The following SLC8A1 variants were observed in gnomAD, a reference collection of about 807,000 sequenced individuals.
SLC8A1 encodes the protein sodium/calcium exchanger 1.
Under a neutral mutation model 68.3 loss-of-function variants are expected in SLC8A1, and 18 were observed. The ratio of observed to expected loss-of-function variants is 0.26; its 90% CI spans 0.18 to 0.39. SLC8A1 has a LOEUF of 0.39. Among genes scored for constraint, SLC8A1 ranks in the 10% least tolerant of loss-of-function variants. The probability of loss-of-function intolerance (pLI) is 1.00; values close to 1 mark genes in which losing one functional copy is unlikely to be tolerated. For missense variants in SLC8A1, 985 were observed against 1,156.7 expected, an observed-to-expected ratio of 0.85 and a Z score of 2.15; for synonymous variants, 475 against 415.5, an observed-to-expected ratio of 1.14 and a Z score of -1.74.
chr2:40,278,941 T>A (rs2067141913), intron 2 of SLC8A1, among the ~76,000 whole-genome samples: 1 of 152,240 alleles, frequency 6.6e-6, no homozygotes, highest in Non-Finnish European at 1.5e-5. Context: ...TGCTTAAATA[T>A]TGCTTACTTT....
In SLC8A1 at chr2:40,255,986, T is replaced by TGCAAACTA. The variant is rs1378834235; in HGVS notation, c.1809-78139_1809-78132dup. On this transcript the variant is annotated intron_variant, in intron 2 of 7. Coordinates refer to ENST00000406785, the Ensembl canonical transcript of SLC8A1. ...GGGCCATGGTACAGAGGTGTCAGTC[T>TGCAAACTA]GCAAACTAGAAGAGCAATGCTGACA... 2.0e-5 allele frequency among the ~76,000 whole-genome samples: 3 copies of TGCAAACTA among 152,198 alleles called. No individual in the cohort carries two copies. The East Asian group carries it at 5.8e-4, about 29-fold the overall frequency.
chr2:40,468,832 T>C (rs1703842743), intron 1 of SLC8A1, among the ~76,000 whole-genome samples: 1 of 152,048 alleles, frequency 6.6e-6, no homozygotes, highest in Admixed American at 6.6e-5. Flanking sequence ...TCCCAGCTAT[T>C]AGGGAGGCTG....
chr2:40,328,133 G>C (rs72943146), intron 2 of SLC8A1, among the ~76,000 whole-genome samples: 1 of 152,000 alleles, frequency 6.6e-6, no homozygotes, highest in Non-Finnish European at 1.5e-5. Flanking sequence ...CTGAGGTTTG[G>C]ATGAGTTGAG....
chr2:40,316,254 A>C (rs190167596), intron 2 of SLC8A1, among the ~76,000 whole-genome samples: 1 of 152,066 alleles, frequency 6.6e-6, no homozygotes, highest in African/African-American at 2.4e-5. Flanking sequence ...GTTCAAGGAC[A>C]TAAGAAAACT....
At chr2:40,268,008 T>C (rs2065573369) in intron 2 of SLC8A1, among the ~76,000 whole-genome samples, 1 of 152,296 alleles carries the variant, frequency 6.6e-6, no homozygotes, top group South Asian at 2.1e-4. Context: ...GAAAACACAA[T>C]TGTTGAATTA....
At chr2:40,115,907 C>G (rs4952354) in intron 7 of SLC8A1, among the ~76,000 whole-genome samples, 91,827 of 152,062 alleles carry the variant, frequency 0.6, 28,331 homozygotes, top group East Asian at 0.81. Flanking sequence ...GTAATATTGA[C>G]CTTGCAGGGC....
intron 2 of SLC8A1, among the ~76,000 whole-genome samples, chr2:40,249,589 T>C (rs568175106): frequency 1.3e-5 from 2 of 152,320 alleles, no homozygotes; most frequent in South Asian, 2.1e-4. Flanking sequence ...AGCACTATTC[T>C]AGATGATTCC....
intron 2 of SLC8A1, among the ~76,000 whole-genome samples, chr2:40,291,892 A>G (rs1204135339): frequency 6.6e-6 from 1 of 151,048 alleles, no homozygotes; most frequent in Non-Finnish European, 1.5e-5. Flanking sequence ...GTGCTGGACA[A>G]GACATCTTTA....
chr2:40,107,279 C>CAAAAAAAAAAAAAAAAGAA (rs571403529), exon 8 of SLC8A1: 6 of 64,960 alleles, frequency 9.2e-5, no homozygotes, highest in Non-Finnish European at 1.2e-4. Flanking sequence ...GACTCCGTCT[C>CAAAAAAAAAAAAAAAAGAA]AAAAAAAAAA....
chr2:40,105,580 C>G (rs2034144907), exon 8 of SLC8A1: 1 of 152,190 alleles, frequency 6.6e-6, no homozygotes, highest in Non-Finnish European at 1.5e-5. Context: ...GACACCTCAT[C>G]ACTAGGTCCA....
chr2:40,163,645 C>G (rs151080252), intron 5 of SLC8A1, among the ~76,000 whole-genome samples: 6 of 152,238 alleles, frequency 3.9e-5, no homozygotes, highest in African/African-American at 1.4e-4. Flanking sequence ...GTCTAATGAT[C>G]GGGGTCTGCC....
intron 7 of SLC8A1, among the ~76,000 whole-genome samples, chr2:40,122,458 A>C (rs1229962366): frequency 6.6e-6 from 1 of 152,196 alleles, no homozygotes; most frequent in African/African-American, 2.4e-5. Flanking sequence ...CTTTTAGAAG[A>C]GAAGGAAGCA....
chr2:40,224,598 A>G (rs1363651980), intron 2 of SLC8A1, among the ~76,000 whole-genome samples: 1 of 152,090 alleles, frequency 6.6e-6, no homozygotes, highest in Non-Finnish European at 1.5e-5. Flanking sequence ...ATAATTGCCT[A>G]CCTGTTTCAA....
At chr2:40,472,572 C>T (rs1464492289) in intron 1 of SLC8A1, among the ~76,000 whole-genome samples, 2 of 152,008 alleles carry the variant, frequency 1.3e-5, no homozygotes, top group Non-Finnish European at 2.9e-5. Flanking sequence ...ACTATGTGCC[C>T]AGGCTGGTCT....
At chr2:40,279,232 C>T (rs1486749221) in intron 2 of SLC8A1, among the ~76,000 whole-genome samples, 2 of 152,322 alleles carry the variant, frequency 1.3e-5, no homozygotes, top group African/African-American at 2.4e-5. Flanking sequence ...TCACTTTAGA[C>T]AGCTTTGCCT....
chr2:40,406,346 C>T (rs1248310149), intron 2 of SLC8A1, among the ~76,000 whole-genome samples: 1 of 151,978 alleles, frequency 6.6e-6, no homozygotes. Context: ...AGTTATTTTT[C>T]CAAGATGCTA....
chr2:40,098,271 T>C (rs528392273), exon 8 of SLC8A1: 34 of 152,188 alleles, frequency 2.2e-4, no homozygotes, highest in Middle Eastern at 3.4e-3. Context: ...CAGATTACTT[T>C]TAAAATTCAA....
chr2:40,408,656 A>C (rs1485786746), intron 2 of SLC8A1, among the ~76,000 whole-genome samples: 1 of 152,210 alleles, frequency 6.6e-6, no homozygotes, highest in Non-Finnish European at 1.5e-5. Context: ...CTAATGAACA[A>C]GTTTCTACAC....
At chr2:40,308,135 T>C (rs890150910) in intron 2 of SLC8A1, among the ~76,000 whole-genome samples, 2 of 152,186 alleles carry the variant, frequency 1.3e-5, no homozygotes, top group East Asian at 1.9e-4. Context: ...GAATTTCTTG[T>C]CCTTAAAGCA....
Sources: allele counts gnomAD v4.1 joint callset (sites outside exome capture counted in the v4.1 genomes callset), GRCh38; gene constraint gnomAD v4.1.1; transcripts MANE v1.5; gene names NCBI Gene and HGNC (gene_info 2026-07-23, HGNC 2026-07-21).